Variants in VPS26B observed in about 807,000 individuals in gnomAD.
VPS26B encodes vacuolar protein sorting-associated protein 26B.
Under a neutral mutation model 33.3 loss-of-function variants are expected in VPS26B, and 10 were observed. The ratio of observed to expected loss-of-function variants is 0.30; its 90% CI spans 0.19 to 0.51. VPS26B has a LOEUF of 0.51. VPS26B is among the 20% of genes least tolerant of loss of function. VPS26B has a pLI of 0.98. For missense variants in VPS26B, 317 were observed against 452.7 expected (o/e 0.70, Z 2.72); for synonymous variants, 190 against 176.9 (o/e 1.07, Z -0.59).
intron 3 of VPS26B, among the ~76,000 whole-genome samples, chr11:134,241,464 G>A (rs1591883164): frequency 6.6e-6 from 1 of 152,236 alleles, no homozygotes; most frequent in Non-Finnish European, 1.5e-5. Flanking sequence ...CCAGTGAACA[G>A]AGAGTGAGGC....
Position 134,246,773 on chromosome 11 carries a change from T to G in VPS26B, c.*1183T>G, listed in dbSNP as rs1938834544. ...CATATAAAAAAACTCTTGTGAATAT[T>G]CTTGTTATGCTAGAGAGGAAGGTAC... On this transcript the variant is annotated 3_prime_UTR_variant, in exon 6 of 6. Transcript: ENST00000281187. The G allele has an allele frequency of 6.6e-6, 1 of 152,278 alleles. No homozygotes were observed. Among genetic ancestry groups the G allele is most frequent in the Admixed American group, 6.6e-5 (1 of 15,264 alleles). 9.4% of individuals were successfully genotyped at this position (152,278 alleles called of 1,614,324 possible). A position where few individuals can be genotyped will look rare whatever the true frequency, so the allele number is the denominator to read the frequency against.
chr11:134,240,002 G>C lies in VPS26B; in HGVS notation c.392G>C (p.Arg131Pro). Residue 131 changes from arginine to proline, a missense_variant, in exon 3 of 6, where the codon CGT becomes CCT. Arg to Pro is a moderately radical substitution (Grantham distance 103, BLOSUM62 -2). Coordinates refer to ENST00000281187, the MANE Select transcript of VPS26B (RefSeq NM_052875.5). The surrounding 1 kb of genome is among the most constrained non-coding windows in gnomAD (Gnocchi z 4.4). ...GQNVKLRYFL[R>P]ATISRRLNDV... is the part of the protein sequence containing the mutation. The stretch of plus-strand genomic sequence containing the variant: ...TCCGTCTCCTACAGCTATTTCCTTC[G>C]TGCTACCATCAGCCGCCGCCTCAAT... 6.2e-7 allele frequency: 1 copy of C among 1,614,050 alleles called. No homozygotes were observed. The highest frequency in any genetic ancestry group is 8.5e-7 in the Non-Finnish European group (1 of 1,180,010).
At chr11:134,242,540 T>G (rs1421225824) in intron 3 of VPS26B, among the ~76,000 whole-genome samples, 1 of 152,158 alleles carries the variant, frequency 6.6e-6, no homozygotes, top group African/African-American at 2.4e-5. Context: ...ACCCTGAGGG[T>G]CAGGAAGTGT....
chr11:134,238,178 T>C lies in VPS26B; in HGVS notation c.381-1813T>C, dbSNP rs535163556. Among the ~76,000 whole-genome samples the C allele has an allele frequency of 2.0e-5, 3 of 152,238 alleles. No homozygotes were observed. In the South Asian group the frequency reaches 6.2e-4, roughly 32 times the overall value. On this transcript the variant is annotated intron_variant, in intron 2 of 5. Coordinates refer to ENST00000281187, the MANE Select transcript of VPS26B (RefSeq NM_052875.5). The stretch of plus-strand genomic sequence containing the variant: ...CCCAGGCAGCAGGATTCTTAAGGGC[T>C]CTCCTCTCCTGGTGATTTCATTGTG...
chr11:134,229,175 G>A (rs1938522484), intron 1 of VPS26B, among the ~76,000 whole-genome samples: 1 of 152,106 alleles, frequency 6.6e-6, no homozygotes, highest in Admixed American at 6.5e-5. Flanking sequence ...GACTACAGGT[G>A]CATGCCACCA....
At position 134,246,637 on chromosome 11, in the gene VPS26B, C is replaced by G. The variant is rs769432676; in HGVS notation, c.*1047C>G. On this transcript the variant is annotated 3_prime_UTR_variant, in exon 6 of 6. Transcript: ENST00000281187. ...GGTTACACAGGGGAGACCAGGGCCT[C>G]GGCAGAAGACTGCTGCCACACTTCC... 6.6e-6 allele frequency: 1 copy of G among 152,352 alleles called. No individual in the cohort carries two copies. The highest frequency in any genetic ancestry group is 2.4e-5 in the African/African-American group (1 of 41,330). The allele number at this position is 152,352 out of a possible 1,614,324, so 9.4% of individuals were successfully genotyped here.
At chr11:134,239,225 C>G (rs907396024) in intron 2 of VPS26B, among the ~76,000 whole-genome samples, 1 of 152,150 alleles carries the variant, frequency 6.6e-6, no homozygotes, top group Non-Finnish European at 1.5e-5. Context: ...CAGACCAGGT[C>G]CTGTCTGCCC....
rs1938422927 is a variant in VPS26B, at chr11:134,225,181, A to G, written c.59A>G (p.Glu20Gly). 1 of 1,614,090 alleles carries G rather than the reference A, an allele frequency of 6.2e-7. No individual in the cohort carries two copies. The highest frequency in any genetic ancestry group is 8.5e-7 in the Non-Finnish European group (1 of 1,179,948). Residue 20 changes from glutamate to glycine, a missense_variant, in exon 1 of 6, where the codon GAG (glutamate) becomes GGG (glycine). Glu to Gly is a moderately conservative substitution (Grantham distance 98). Transcript: ENST00000281187. ...VEVEILLNDA[E>G]SRKRAEHKTE... ...GTGGAAATCCTTCTGAACGATGCAG[A>G]GAGTAGGAAGCGGGCCGAGCACAAG...
At position 134,227,450 on chromosome 11, in the gene VPS26B, C is replaced by G. The variant is rs548220165; in HGVS notation, c.223+2105C>G. On this transcript the variant is annotated intron_variant, in intron 1 of 5. Transcript: ENST00000281187. ...AAGATAACCCAGAATGTCTTCTGCC[C>G]CAGACAGTGTGAAATTAGCTGTTCT... Among the ~76,000 whole-genome samples the G allele has an allele frequency of 2.6e-5, 4 of 152,264 alleles. No homozygotes were observed. The South Asian group carries it at 8.3e-4, about 32-fold the overall frequency.
chr11:134,231,114 C>T (rs922062945), intron 1 of VPS26B, among the ~76,000 whole-genome samples: 7 of 152,162 alleles, frequency 4.6e-5, no homozygotes, highest in African/African-American at 9.7e-5. Context: ...AGACCTGGGC[C>T]GCCTTGGAGA....
Position 134,245,728 on chromosome 11 carries a change from T to A in VPS26B, c.*138T>A. ...CCTGAAAACAAATCATGTTTTTGAC[T>A]TAAATTCTTTTCTCTGGAGAACCCA... On this transcript the variant is annotated 3_prime_UTR_variant, in exon 6 of 6. Transcript: ENST00000281187. The surrounding 1 kb of genome is among the most constrained non-coding windows in gnomAD (Gnocchi z 4.7). 1 of 1,219,834 alleles carries A rather than the reference T, an allele frequency of 8.2e-7. No homozygotes were observed. The highest frequency in any genetic ancestry group is 1.1e-6 in the Non-Finnish European group (1 of 901,458). 75.6% of individuals were successfully genotyped at this position (1,219,834 alleles called of 1,614,324 possible). A position where few individuals can be genotyped will look rare whatever the true frequency, so the allele number is the denominator to read the frequency against.
intron 4 of VPS26B, chr11:134,243,538 G>A (rs1938765160): frequency 4.0e-6 from 2 of 496,090 alleles, no homozygotes; most frequent in Non-Finnish European, 7.1e-6. Flanking sequence ...ATTATATATC[G>A]GGCTTGTACT....
In VPS26B at chr11:134,224,946, C is replaced by T. The variant is rs1412527335; in HGVS notation, c.-177C>T. ...AGCCTCCCCCGGCCGTGCCCCTCCC[C>T]CGTGGAGCCGGCTGTCCGTCGGCGC... On this transcript the variant is annotated 5_prime_UTR_variant, in exon 1 of 6. Transcript: ENST00000281187. 4 of 342,492 alleles carry T rather than the reference C, an allele frequency of 1.2e-5. No homozygotes were observed. Among genetic ancestry groups the T allele is most frequent in the Non-Finnish European group, 1.9e-5 (4 of 210,864 alleles). 21.2% of individuals were successfully genotyped at this position (342,492 alleles called of 1,614,324 possible). A position where few individuals can be genotyped will look rare whatever the true frequency, so the allele number is the denominator to read the frequency against.
intron 1 of VPS26B, among the ~76,000 whole-genome samples, chr11:134,228,142 A>T (rs1338310834): frequency 4.6e-5 from 7 of 152,278 alleles, no homozygotes; most frequent in Non-Finnish European, 4.4e-5. Flanking sequence ...GTATTTCTTG[A>T]TCAAGAACAA....
At chr11:134,242,050 T>C (rs1294929433) in intron 3 of VPS26B, among the ~76,000 whole-genome samples, 1 of 152,234 alleles carries the variant, frequency 6.6e-6, no homozygotes. Flanking sequence ...CTCTCCCCGC[T>C]TACACCTAGA....
chr11:134,227,456 A>G lies in VPS26B; in HGVS notation c.223+2111A>G, dbSNP rs148014612. Among the ~76,000 whole-genome samples the G allele has an allele frequency of 4.3e-3, 660 of 152,302 alleles. 4 individuals carry two copies. Among genetic ancestry groups the G allele is most frequent in the African/African-American group, 0.015 (633 of 41,556 alleles). ...ACCCAGAATGTCTTCTGCCCCAGAC[A>G]GTGTGAAATTAGCTGTTCTAGGAAC... On this transcript the variant is annotated intron_variant, in intron 1 of 5. Transcript: ENST00000281187.
Position 134,243,112 on chromosome 11 carries a change from TC to T in VPS26B, c.546-3del. 2 of 1,614,038 alleles carry T rather than the reference TC, an allele frequency of 1.2e-6. No homozygotes were observed. Among genetic ancestry groups the T allele is most frequent in the Non-Finnish European group, 8.5e-7 (1 of 1,179,924 alleles). ...ACATCTTACTTTCTGTACTTTCTGTTCCCCAGATACCACTTGAAAGATGTCA... is the reference window on the plus strand; with the variant it reads ...ACATCTTACTTTCTGTACTTTCTGTTCCCAGATACCACTTGAAAGATGTCA... On this transcript the variant is annotated splice_polypyrimidine_tract_variant and splice_region_variant and intron_variant, in intron 3 of 5. Coordinates refer to ENST00000281187, the MANE Select transcript of VPS26B (RefSeq NM_052875.5).
chr11:134,236,295 TC>T (rs1294870657), intron 2 of VPS26B: 1 of 152,186 alleles, frequency 6.6e-6, no homozygotes, highest in Non-Finnish European at 1.5e-5. Context: ...AGTCATCACT[TC>T]AGTTTGACCG....
intron 2 of VPS26B, among the ~76,000 whole-genome samples, chr11:134,238,808 G>T (rs1938674861): frequency 6.6e-6 from 1 of 151,872 alleles, no homozygotes; most frequent in African/African-American, 2.4e-5. Flanking sequence ...TGTTAGCCAG[G>T]ATGGTCTCGA....
Sources: allele counts gnomAD v4.1 joint callset (sites outside exome capture counted in the v4.1 genomes callset), GRCh38; gene constraint gnomAD v4.1.1; non-coding constraint Gnocchi (gnomAD v3.1); transcripts MANE v1.5; gene names NCBI Gene and HGNC (gene_info 2026-07-23, HGNC 2026-07-21).